SPTB: variants seen among roughly 807,000 people sequenced by gnomAD.
The protein encoded by SPTB is spectrin beta chain, erythrocytic.
In SPTB, 45 loss-of-function variants were observed where a neutral mutation model predicts 256.2. The observed-to-expected ratio is 0.18, with a 90% confidence interval of 0.14 to 0.23. The LOEUF (loss-of-function observed/expected upper bound fraction) is 0.23. Ranked by LOEUF, SPTB falls within the 10% of genes least tolerant of loss-of-function variation. The pLI, the probability that SPTB is intolerant of heterozygous loss-of-function variation, is 1.00. For synonymous variants in SPTB, 1,231 were observed against 1,243.1 expected (o/e 0.99, Z 0.21); for missense variants, 2,715 against 3,040.4 (o/e 0.89, Z 2.52).
intron 1 of SPTB, among the ~76,000 whole-genome samples, chr14:64,860,149 C>T (rs2083943429): frequency 6.6e-6 from 1 of 152,124 alleles, no homozygotes; most frequent in Non-Finnish European, 1.5e-5. Flanking sequence ...AAGAGTCCTC[C>T]TATTCACTGG....
At chr14:64,846,637 C>T (rs186900492) in intron 1 of SPTB, among the ~76,000 whole-genome samples, 5 of 152,344 alleles carry the variant, frequency 3.3e-5, no homozygotes, top group East Asian at 1.9e-4. Context: ...CAGTGTCTCC[C>T]GCCTTCAAGG....
intron 8 of SPTB, among the ~76,000 whole-genome samples, 188 bp downstream of exon 8, chr14:64,800,568 G>A (rs896443588): frequency 6.6e-6 from 1 of 152,218 alleles, no homozygotes; most frequent in Admixed American, 6.5e-5. Context: ...GTACCTTTCA[G>A]GACAGACCAT....
intron 1 of SPTB, among the ~76,000 whole-genome samples, chr14:64,858,225 G>A (rs1473313444): frequency 3.9e-5 from 6 of 152,152 alleles, no homozygotes; most frequent in African/African-American, 1.4e-4. Context: ...TACTACTCAC[G>A]GTGCAGTAAA....
Position 64,794,518 on chromosome 14 carries a change from C to G in SPTB, c.1744G>C (p.Asp582His). Residue 582 changes from aspartate (D) to histidine (H), a missense_variant, in exon 13 of 36, where the codon GAC becomes CAC. By Grantham distance (81) the Asp-to-His change is moderately conservative (BLOSUM62 -1). Around this residue, in one of 4 missense-constraint regions of SPTB, gnomAD observed 2,239 missense variants for 2,384.4 expected, o/e 0.94. Transcript: ENST00000644917. Reference sequence around the variant, plus strand: ...GCTGCGGTGATGGCCTTCACTTTGTCCCCTTGGATGGCGATGTCAGCTTCC... The same window carrying G: ...GCTGCGGTGATGGCCTTCACTTTGTGCCCTTGGATGGCGATGTCAGCTTCC... ...LMEADIAIQG[D>H]KVKAITAATL... The G allele has an allele frequency of 6.2e-7, 1 of 1,614,182 alleles. No homozygotes were observed. Among genetic ancestry groups the G allele is most frequent in the Non-Finnish European group, 8.5e-7 (1 of 1,180,038 alleles).
chr14:64,830,300 C>T (rs2083432941), intron 1 of SPTB, among the ~76,000 whole-genome samples: 1 of 150,644 alleles, frequency 6.6e-6, no homozygotes, highest in Non-Finnish European at 1.5e-5. Flanking sequence ...AAATATTATC[C>T]TGTTCCTACA....
intron 26 of SPTB, among the ~76,000 whole-genome samples, chr14:64,771,857 A>G (rs2082283525): frequency 6.6e-6 from 1 of 152,178 alleles, no homozygotes; most frequent in African/African-American, 2.4e-5. Flanking sequence ...TCTGTCCCCA[A>G]GCCCTGCAGG....
At chr14:64,843,133 G>T (rs994305783) in intron 1 of SPTB, among the ~76,000 whole-genome samples, 1 of 152,136 alleles carries the variant, frequency 6.6e-6, no homozygotes, top group Non-Finnish European at 1.5e-5. Flanking sequence ...GCTATCCAGC[G>T]TTTACATGGG....
chr14:64,785,647 C>T lies in SPTB; in HGVS notation c.3765-20G>A, dbSNP rs2082550998. On this transcript the variant is annotated intron_variant, in intron 17 of 35. Coordinates refer to ENST00000644917, the MANE Select transcript of SPTB (RefSeq NM_001355436.2). The surrounding 1 kb of genome is among the most constrained non-coding windows in gnomAD (Gnocchi z 4.4). ...CTGTGCCTGGAAAGGAAGCCAAAAG[C>T]ACAGTCACAATAGTGCCGAGCTTGG... is the stretch of plus-strand genomic sequence containing the variant. 1 of 1,614,054 alleles carries T rather than the reference C, an allele frequency of 6.2e-7. No individual in the cohort carries two copies. Among genetic ancestry groups the T allele is most frequent in the African/African-American group, 1.3e-5 (1 of 75,054 alleles).
chr14:64,788,295 C>T (rs1013969824), intron 15 of SPTB, among the ~76,000 whole-genome samples: 2 of 152,154 alleles, frequency 1.3e-5, no homozygotes, highest in African/African-American at 4.8e-5. Context: ...ATCTTTGTAC[C>T]CTGCCTCAGG....
In SPTB at chr14:64,769,578, C is replaced by A. The variant is rs1350261213; in HGVS notation, c.5937+12G>T. 1.2e-6 allele frequency: 2 copies of A among 1,613,712 alleles called. No homozygotes were observed. Among genetic ancestry groups the A allele is most frequent in the South Asian group, 2.2e-5 (2 of 91,078 alleles). ...ACGGAGGAGCTCGCCTCCATCCTTG[C>A]AGTCCCCTCACCTCCTCTGAGGCCT... is the stretch of plus-strand genomic sequence containing the variant. On this transcript the variant is annotated intron_variant, in intron 28 of 35. Coordinates refer to ENST00000644917, the MANE Select transcript of SPTB (RefSeq NM_001355436.2).
At chr14:64,767,419 C>T in intron 30 of SPTB, 67 bp from the exon 31 acceptor site, 1 of 1,601,910 alleles carries the variant, frequency 6.2e-7, no homozygotes, top group Middle Eastern at 1.7e-4. Context: ...AGACGATCTC[C>T]CTCTGGATGC....
In SPTB at chr14:64,772,430, A is replaced by T; in HGVS notation, c.5553+150T>A. The T allele has an allele frequency of 9.3e-7, 1 of 1,078,850 alleles. No individual in the cohort carries two copies. Among genetic ancestry groups the T allele is most frequent in the Non-Finnish European group, 1.3e-6 (1 of 770,662 alleles). 66.8% of individuals were successfully genotyped at this position (1,078,850 alleles called of 1,614,324 possible). A position where few individuals can be genotyped will look rare whatever the true frequency, so the allele number is the denominator to read the frequency against. On this transcript the variant is annotated intron_variant, in intron 26 of 35. Transcript: ENST00000644917. This position sits in a 1 kb window ranked among gnomAD's most constrained non-coding sequence, Gnocchi z 5.4. ...TGAAGCTAAGGAACATCTGAAAGCCACTGCTCCCAGCCCTGAGCTCCTGGC... is the reference window on the plus strand; with the variant it reads ...TGAAGCTAAGGAACATCTGAAAGCCTCTGCTCCCAGCCCTGAGCTCCTGGC...
At chr14:64,769,541 G>T in intron 28 of SPTB, 49 bp downstream of exon 28, 1 of 1,610,042 alleles carries the variant, frequency 6.2e-7, no homozygotes, top group South Asian at 1.1e-5. Context: ...GGCTGGCACA[G>T]TGGGGACGGA....
At position 64,747,277 on chromosome 14, in the gene SPTB, C is replaced by T. The variant is rs973553401; in HGVS notation, c.*2029G>A. 6 of 152,570 alleles carry T rather than the reference C, an allele frequency of 3.9e-5. No individual in the cohort carries two copies. The highest frequency in any genetic ancestry group is 2.1e-4 in the South Asian group (1 of 4,828). 9.5% of individuals were successfully genotyped at this position (152,570 alleles called of 1,614,324 possible). A position where few individuals can be genotyped will look rare whatever the true frequency, so the allele number is the denominator to read the frequency against. ...AACAGTTGAGGGAGATGTTTGCCAC[C>T]ATCTGCCCTTCAGCAAGGAACCTGC... On this transcript the variant is annotated 3_prime_UTR_variant, in exon 36 of 36. Transcript: ENST00000644917.
intron 23 of SPTB, 39 bp from the exon 24 acceptor site, chr14:64,774,566 G>A: frequency 6.4e-7 from 1 of 1,551,196 alleles, no homozygotes. Flanking sequence ...AGCTCAGTCT[G>A]GCCATGATCC....
At chr14:64,835,355 T>C (rs1309423299) in intron 1 of SPTB, among the ~76,000 whole-genome samples, 5 of 152,112 alleles carry the variant, frequency 3.3e-5, no homozygotes, top group African/African-American at 1.2e-4. Flanking sequence ...TTCAAACAAT[T>C]CTGCCTCAGC....
rs779396225 is a variant in SPTB, at chr14:64,793,888, G to A, written c.1796-21C>T. The stretch of plus-strand genomic sequence containing the variant: ...GTACCCTGGAAGAAATAGGGGGAAG[G>A]AGGACAAAGTGGGGGATGGGCTTCA... On this transcript the variant is annotated intron_variant, in intron 13 of 35. Coordinates refer to ENST00000644917, the MANE Select transcript of SPTB (RefSeq NM_001355436.2). The surrounding 1 kb of genome is among the most constrained non-coding windows in gnomAD (Gnocchi z 7.0). The A allele has an allele frequency of 3.1e-6, 5 of 1,590,182 alleles. No individual in the cohort carries two copies. Among genetic ancestry groups the A allele is most frequent in the Middle Eastern group, 1.7e-4 (1 of 5,994 alleles).
rs1031079064 is a variant in SPTB at position 64,749,144 on chromosome 14, G to C, written c.*162C>G. The C allele has an allele frequency of 5.1e-6, 4 of 779,608 alleles. No homozygotes were observed. Among genetic ancestry groups the C allele is most frequent in the Non-Finnish European group, 7.9e-6 (4 of 509,160 alleles). 48.3% of individuals were successfully genotyped at this position (779,608 alleles called of 1,614,324 possible). ...TGGAGGGGGCGTCGGCCCAGGACAC[G>C]CGGGCGAAGGCAGCTTTTGCAGTGC... On this transcript the variant is annotated 3_prime_UTR_variant, in exon 36 of 36. Coordinates refer to ENST00000644917, the MANE Select transcript of SPTB (RefSeq NM_001355436.2). This position sits in a 1 kb window ranked among gnomAD's most constrained non-coding sequence, Gnocchi z 4.7.
At chr14:64,879,177 T>A (rs551121268) in intron 1 of SPTB, among the ~76,000 whole-genome samples, 29 of 152,136 alleles carry the variant, frequency 1.9e-4, no homozygotes, top group African/African-American at 6.7e-4. Flanking sequence ...GTCCTTGAAG[T>A]ATGGCTTGGG....
Sources: allele counts gnomAD v4.1 joint callset (sites outside exome capture counted in the v4.1 genomes callset), GRCh38; gene constraint gnomAD v4.1.1; regional missense constraint gnomAD v4.1.1; non-coding constraint Gnocchi (gnomAD v3.1); transcripts MANE v1.5; gene names NCBI Gene and HGNC (gene_info 2026-07-23, HGNC 2026-07-21).